CLEC5A: variants seen among roughly 807,000 people sequenced by gnomAD.
CLEC5A encodes the protein C-type lectin domain containing 5A, also known as C-type lectin domain family 5 member A.
A neutral mutation model predicts 24.4 loss-of-function variants in CLEC5A; 15 were observed. The observed-to-expected ratio is 0.62, with a 90% CI of 0.41 to 0.95. CLEC5A has a LOEUF of 0.95. CLEC5A is among the 40% of genes least tolerant of loss of function. CLEC5A has a pLI of 0.00. For synonymous variants in CLEC5A, 71 were observed against 72.6 expected (o/e 0.98, Z 0.11); for missense variants, 211 against 224.0 (o/e 0.94, Z 0.37).
rs1234221197 is a variant in CLEC5A at position 141,930,158 on chromosome 7, A to G, written c.513T>C (p.Asp171=). 6.8e-6 allele frequency: 11 copies of G among 1,614,244 alleles called. No homozygotes were observed. Among genetic ancestry groups the G allele is most frequent in the Non-Finnish European group, 9.3e-6 (11 of 1,180,036 alleles). ...CATIGLTKTF[D]AASCDISYRR... is the part of the protein sequence containing the mutation. Reference sequence around the variant, plus strand: ...GGTAGCTGATGTCACATGATGCAGCATCAAATGTCTTTGTTAGGCCAATGG... The same window carrying G: ...GGTAGCTGATGTCACATGATGCAGCGTCAAATGTCTTTGTTAGGCCAATGG... The change falls in exon 7 of 7, where the codon GAT becomes GAC. Residue 171 remains aspartate (D), a synonymous_variant. Transcript: ENST00000546910.
At position 141,927,583 on chromosome 7, in the gene CLEC5A, G is replaced by A. The variant is rs1189428082; in HGVS notation, c.*2521C>T. On this transcript the variant is annotated 3_prime_UTR_variant, in exon 7 of 7. Transcript: ENST00000546910. ...TCTAGGGTGGCTCTGCTGATCTCAG[G>A]TGGATTTGTTCGTGAGTCTAAGGGT... The A allele has an allele frequency of 6.6e-6, 1 of 152,272 alleles. No homozygotes were observed. The highest frequency in any genetic ancestry group is 2.4e-5 in the African/African-American group (1 of 41,436). 9.4% of individuals were successfully genotyped at this position (152,272 alleles called of 1,614,324 possible).
In CLEC5A at chr7:141,927,418, C is replaced by T. The variant is rs1554439677; in HGVS notation, c.*2686G>A. ...CATCCTGGTTGCTGGATGAACAATA[C>T]ACGAAAGGACAATAAAGGGAGAAGG... On this transcript the variant is annotated 3_prime_UTR_variant, in exon 7 of 7. Coordinates refer to ENST00000546910, the MANE Select transcript of CLEC5A (RefSeq NM_013252.3). The T allele has an allele frequency of 1.3e-5, 2 of 152,176 alleles. No homozygotes were observed. Among genetic ancestry groups the T allele is most frequent in the Admixed American group, 6.5e-5 (1 of 15,272 alleles). The allele number at this position is 152,176 out of a possible 1,614,324, so 9.4% of individuals were successfully genotyped here. A position where few individuals can be genotyped will look rare whatever the true frequency, so the allele number is the denominator to read the frequency against.
intron 6 of CLEC5A, 78 bp from the exon 7 acceptor site, chr7:141,930,296 C>A (rs905735407): frequency 9.2e-6 from 10 of 1,086,680 alleles, no homozygotes; most frequent in African/African-American, 7.8e-5. Context: ...TTTAGCCCAG[C>A]CTCTTCCTGA....
chr7:141,943,782 TG>T, intron 4 of CLEC5A, 113 bp downstream of exon 4: 1 of 739,430 alleles, frequency 1.4e-6, no homozygotes, highest in Non-Finnish European at 2.5e-6. Context: ...AAGGTCGTTA[TG>T]GTCCCTTTGA....
intron 4 of CLEC5A, among the ~76,000 whole-genome samples, chr7:141,939,051 A>G (rs1554441392): frequency 6.6e-6 from 1 of 152,220 alleles, no homozygotes; most frequent in African/African-American, 2.4e-5. Flanking sequence ...AAGGACATTA[A>G]TGAGCAATAA....
chr7:141,928,173 C>G lies in CLEC5A; in HGVS notation c.*1931G>C, dbSNP rs1312298243. The G allele has an allele frequency of 6.6e-6, 1 of 152,420 alleles. No homozygotes were observed. Among genetic ancestry groups the G allele is most frequent in the East Asian group, 1.9e-4 (1 of 5,176 alleles). The allele number at this position is 152,420 out of a possible 1,614,324, so 9.4% of individuals were successfully genotyped here. On this transcript the variant is annotated 3_prime_UTR_variant, in exon 7 of 7. Coordinates refer to ENST00000546910, the MANE Select transcript of CLEC5A (RefSeq NM_013252.3). ...GAACTTAAACCAAATCCCACATATTCCCTATCTACTCCCCACTCCCACCCC... is the reference window on the plus strand; with the variant it reads ...GAACTTAAACCAAATCCCACATATTGCCTATCTACTCCCCACTCCCACCCC...
At chr7:141,946,442 G>A (rs868983228) in intron 1 of CLEC5A, 130 bp from the exon 2 acceptor site, 3 of 754,500 alleles carry the variant, frequency 4.0e-6, no homozygotes, top group South Asian at 3.7e-5. Context: ...ACATTGACAG[G>A]TACCAGGAGG....
intron 4 of CLEC5A, among the ~76,000 whole-genome samples, chr7:141,943,135 G>T: frequency 6.6e-6 from 1 of 152,140 alleles, no homozygotes; most frequent in Middle Eastern, 3.4e-3. Flanking sequence ...CGTTTTTATC[G>T]CAACACTATT....
chr7:141,945,937 A>G (rs1802939572), intron 2 of CLEC5A: 1 of 422,192 alleles, frequency 2.4e-6, no homozygotes, highest in South Asian at 3.5e-5. Flanking sequence ...TTCAGCTGAG[A>G]TCACCCAAAT....
At chr7:141,941,967 T>C (rs1406137964) in intron 4 of CLEC5A, among the ~76,000 whole-genome samples, 1 of 151,918 alleles carries the variant, frequency 6.6e-6, no homozygotes, top group Non-Finnish European at 1.5e-5. Context: ...TGTTTGTGGA[T>C]TGGAAGAATC....
chr7:141,939,105 A>G (rs1345469489), intron 4 of CLEC5A, among the ~76,000 whole-genome samples: 3 of 152,210 alleles, frequency 2.0e-5, no homozygotes, highest in African/African-American at 4.8e-5. Context: ...TAGTAGGTAC[A>G]TGGAAAAACA....
rs1447252128 is a variant in CLEC5A, at chr7:141,929,266, C to G, written c.*838G>C. On this transcript the variant is annotated 3_prime_UTR_variant, in exon 7 of 7. Coordinates refer to ENST00000546910, the MANE Select transcript of CLEC5A (RefSeq NM_013252.3). ...ATGAATATATTGTGATTATTGTTGC[C>G]TAAGAGACTATCCAAAATTTTAAAA... 1 of 152,126 alleles carries G rather than the reference C, an allele frequency of 6.6e-6. No homozygotes were observed. Among genetic ancestry groups the G allele is most frequent in the Admixed American group, 6.5e-5 (1 of 15,272 alleles). The allele number at this position is 152,126 out of a possible 1,614,324, so 9.4% of individuals were successfully genotyped here.
rs781867395 is a variant in CLEC5A at position 141,931,756 on chromosome 7, C to A, written c.416G>T (p.Arg139Met). Residue 139 changes from arginine (R) to methionine (M), a missense_variant, in exon 6 of 7, where the codon AGG becomes ATG. By Grantham distance (91) the Arg-to-Met change is moderately conservative. Coordinates refer to ENST00000546910, the MANE Select transcript of CLEC5A (RefSeq NM_013252.3). ...IGLIYHREEK[R>M]WRWINNSVFN... ...CACAGAGTTGTTGATCCAACGCCACCTTTTCTCTTCACGATGGTAAATTAA... is the reference window on the plus strand; with the variant it reads ...CACAGAGTTGTTGATCCAACGCCACATTTTCTCTTCACGATGGTAAATTAA... 2 of 1,603,556 alleles carry A rather than the reference C, an allele frequency of 1.2e-6. No homozygotes were observed. The highest frequency in any genetic ancestry group is 8.5e-7 in the Non-Finnish European group (1 of 1,170,500).
intron 6 of CLEC5A, 151 bp from the exon 7 acceptor site, chr7:141,930,369 A>C (rs1802421743): frequency 1.6e-6 from 1 of 621,292 alleles, no homozygotes; most frequent in Non-Finnish European, 2.8e-6. Context: ...GGGCCCACAC[A>C]CGTCTCCATC....
chr7:141,946,119 A>T, intron 2 of CLEC5A, 95 bp downstream of exon 2: 3 of 1,346,112 alleles, frequency 2.2e-6, no homozygotes, highest in Non-Finnish European at 3.1e-6. Context: ...AAAGACTTGG[A>T]TATGTAACCT....
chr7:141,940,736 A>C (rs760462871), intron 4 of CLEC5A, among the ~76,000 whole-genome samples: 4 of 152,030 alleles, frequency 2.6e-5, no homozygotes, highest in Admixed American at 2.6e-4. Context: ...ATCAGAGATG[A>C]AATAGGAGAC....
chr7:141,941,929 G>A (rs1802805103), intron 4 of CLEC5A, among the ~76,000 whole-genome samples: 1 of 151,786 alleles, frequency 6.6e-6, no homozygotes, highest in African/African-American at 2.4e-5. Flanking sequence ...AAATTGACAA[G>A]GACACCAAAA....
In CLEC5A at chr7:141,927,612, A is replaced by T. The variant is rs1554439709; in HGVS notation, c.*2492T>A. On this transcript the variant is annotated 3_prime_UTR_variant, in exon 7 of 7. Coordinates refer to ENST00000546910, the MANE Select transcript of CLEC5A (RefSeq NM_013252.3). ...ATTTGTTCGTGAGTCTAAGGGTTGG[A>T]TGGGGGTTGGCTGACCTAGGCTGGG... 1 of 152,236 alleles carries T rather than the reference A, an allele frequency of 6.6e-6. No homozygotes were observed. The highest frequency in any genetic ancestry group is 1.5e-5 in the Non-Finnish European group (1 of 68,042). 9.4% of individuals were successfully genotyped at this position (152,236 alleles called of 1,614,324 possible). A position where few individuals can be genotyped will look rare whatever the true frequency, so the allele number is the denominator to read the frequency against.
chr7:141,938,002 G>A (rs975395575), intron 4 of CLEC5A, among the ~76,000 whole-genome samples: 3 of 152,200 alleles, frequency 2.0e-5, no homozygotes, highest in South Asian at 2.1e-4. Context: ...TAGAGCTTAG[G>A]TCACAGCACC....
Sources: gnomAD v4.1 joint callset for allele counts (sites outside exome capture counted in the v4.1 genomes callset) on GRCh38, gnomAD v4.1.1 for gene constraint, MANE v1.5 for transcripts, NCBI Gene and HGNC (gene_info 2026-07-23, HGNC 2026-07-21) for gene names.